Variants in FMN2 observed in about 807,000 individuals in gnomAD.
FMN2 encodes formin 2.
In FMN2, 51 loss-of-function variants were observed where a neutral mutation model predicts 142.3. The ratio of observed to expected loss-of-function variants is 0.36; its 90% CI spans 0.29 to 0.45. The LOEUF is 0.45. Ranked by LOEUF, FMN2 falls within the 20% of genes least tolerant of loss-of-function variation. The pLI is 1.00. For synonymous variants in FMN2, 882 were observed against 869.8 expected, an observed-to-expected ratio of 1.01 and a Z score of -0.25; for missense variants, 1,936 against 2,122.8, an observed-to-expected ratio of 0.91 and a Z score of 1.73.
At position 240,182,919 on chromosome 1, in the gene FMN2, CTT is replaced by C. The variant is rs66527453; in HGVS notation, c.1930+4865_1930+4866del. On this transcript the variant is annotated intron_variant, in intron 3 of 17. Coordinates refer to ENST00000319653, the MANE Select transcript of FMN2 (RefSeq NM_020066.5). The stretch of plus-strand genomic sequence containing the variant: ...CAATACAACTCATTTCTTTTCTTTT[CTT>C]TTTTTTTTTTTTTGAGACAGGGTTT... Among the ~76,000 whole-genome samples the C allele has an allele frequency of 2.2e-3, 303 of 138,266 alleles. 2 individuals carry two copies. Among genetic ancestry groups the C allele is most frequent in the Middle Eastern group, 3.8e-3 (1 of 266 alleles). 90.7% of individuals were successfully genotyped at this position (138,266 alleles called of 152,430 possible). A position where few individuals can be genotyped will look rare whatever the true frequency, so the allele number is the denominator to read the frequency against.
intron 15 of FMN2, 68 bp from the exon 16 acceptor site, chr1:240,437,993 G>C: frequency 6.5e-7 from 1 of 1,541,928 alleles, no homozygotes. Flanking sequence ...CATTTGGATA[G>C]AGAAAGAATA....
intron 4 of FMN2, among the ~76,000 whole-genome samples, chr1:240,196,356 G>A (rs1047762052): frequency 6.6e-6 from 1 of 152,124 alleles, no homozygotes. Context: ...TGATGGGTTT[G>A]GTAACCATGT....
At chr1:240,109,868 T>C (rs937829063) in intron 1 of FMN2, among the ~76,000 whole-genome samples, 8 of 152,076 alleles carry the variant, frequency 5.3e-5, no homozygotes, top group African/African-American at 1.4e-4. Flanking sequence ...TTATTACTAT[T>C]ATTATTATTA....
intron 15 of FMN2, among the ~76,000 whole-genome samples, chr1:240,435,624 GAAC>G (rs1167522983): frequency 6.6e-6 from 1 of 152,138 alleles, no homozygotes; most frequent in African/African-American, 2.4e-5. Context: ...TTGGACTTCA[GAAC>G]AACTGTTGAT....
chr1:240,147,627 G>C (rs1379253554), intron 2 of FMN2, among the ~76,000 whole-genome samples: 1 of 152,134 alleles, frequency 6.6e-6, no homozygotes, highest in Non-Finnish European at 1.5e-5. Flanking sequence ...CAAAGTGCTA[G>C]GAATACAGGT....
intron 2 of FMN2, among the ~76,000 whole-genome samples, chr1:240,137,752 C>G (rs1456933238): frequency 1.3e-5 from 2 of 151,964 alleles, no homozygotes; most frequent in East Asian, 1.9e-4. Context: ...ATGCCCGGAG[C>G]CTGGAGCCCA....
intron 16 of FMN2, among the ~76,000 whole-genome samples, chr1:240,453,424 A>C (rs1340468462): frequency 6.6e-6 from 1 of 152,184 alleles, no homozygotes; most frequent in Non-Finnish European, 1.5e-5. Context: ...CATATCAATC[A>C]CTAAAGTACA....
rs565926932 is a variant in FMN2, at chr1:240,355,328, T to C, written c.4766-488T>C. Among the ~76,000 whole-genome samples, 281 of 152,326 alleles carry C rather than the reference T, an allele frequency of 1.8e-3. 15 individuals carry two copies. The highest frequency in any genetic ancestry group is 1.4e-3 in the Admixed American group (21 of 15,290). On this transcript the variant is annotated intron_variant, in intron 13 of 17. Transcript: ENST00000319653. ...TTACCACCCATGTTATTATTTATTA[T>C]TTTTCAGAAATCTGGTCTTTAGGAA... is the stretch of plus-strand genomic sequence containing the variant.
chr1:240,347,333 G>A (rs1177581772), intron 13 of FMN2, among the ~76,000 whole-genome samples: 1 of 152,106 alleles, frequency 6.6e-6, no homozygotes, highest in Non-Finnish European at 1.5e-5. Context: ...ACTGACATCT[G>A]AAACCTAGTG....
intron 6 of FMN2, among the ~76,000 whole-genome samples, chr1:240,238,505 C>T (rs1294652565): frequency 2.0e-5 from 3 of 152,126 alleles, no homozygotes; most frequent in Admixed American, 6.5e-5. Flanking sequence ...AGATATTTAA[C>T]TAGTTTATAG....
chr1:240,312,329 C>T (rs1670627530), intron 8 of FMN2, among the ~76,000 whole-genome samples: 1 of 152,146 alleles, frequency 6.6e-6, no homozygotes, highest in Non-Finnish European at 1.5e-5. Flanking sequence ...TCTCCTGAAT[C>T]TTCAGTTGTC....
At chr1:240,271,605 G>A (rs1669019937) in intron 7 of FMN2, among the ~76,000 whole-genome samples, 1 of 151,800 alleles carries the variant, frequency 6.6e-6, no homozygotes, top group Non-Finnish European at 1.5e-5. Context: ...TTTAGTGAAT[G>A]GTTTTCATTG....
chr1:240,326,084 G>A (rs772453080), intron 8 of FMN2, among the ~76,000 whole-genome samples: 10 of 152,128 alleles, frequency 6.6e-5, no homozygotes, highest in South Asian at 2.1e-4. Flanking sequence ...TCCATAAATA[G>A]CAAGAATTGA....
chr1:240,215,909 A>G (rs1178730924), intron 6 of FMN2, among the ~76,000 whole-genome samples: 1 of 152,046 alleles, frequency 6.6e-6, no homozygotes, highest in Non-Finnish European at 1.5e-5. Context: ...TGGTTTCGCC[A>G]TGTTGATCAG....
chr1:240,219,037 G>A (rs1667009895), intron 6 of FMN2, among the ~76,000 whole-genome samples: 1 of 152,090 alleles, frequency 6.6e-6, no homozygotes, highest in Non-Finnish European at 1.5e-5. Context: ...ATGTAGAGAG[G>A]ATTAAGGGAT....
chr1:240,463,200 T>TG (rs200087743), intron 16 of FMN2, among the ~76,000 whole-genome samples: 36 of 99,490 alleles, frequency 3.6e-4, no homozygotes, highest in South Asian at 9.0e-4. Flanking sequence ...CTGCAGGGTA[T>TG]GGCACTGGTT....
chr1:240,426,273 A>G (rs1674933490), intron 15 of FMN2, among the ~76,000 whole-genome samples: 1 of 150,654 alleles, frequency 6.6e-6, no homozygotes, highest in Non-Finnish European at 1.5e-5. Flanking sequence ...AAGAATATAA[A>G]ATAGTTCTCG....
rs914160673 is a variant in FMN2 at position 240,092,142 on chromosome 1, C to G, written c.33C>G (p.Ser11Arg). 3.2e-5 allele frequency: 50 copies of G among 1,563,784 alleles called. No homozygotes were observed. Among genetic ancestry groups the G allele is most frequent in the Non-Finnish European group, 4.2e-5 (49 of 1,154,592 alleles). The change falls in exon 1 of 18, where the codon AGC becomes AGG. Residue 11 changes from serine (S) to arginine (R), a missense_variant. Transcript: ENST00000319653. MGNQDGKLKRSAGDALHEGGG... is the reference protein window; with the variant it reads MGNQDGKLKRRAGDALHEGGG... ...ACCAGGATGGGAAGCTGAAGAGGAG[C>G]GCAGGTGATGCTTTGCACGAAGGCG... is the stretch of plus-strand genomic sequence containing the variant.
chr1:240,145,864 C>A (rs906314138), intron 2 of FMN2, among the ~76,000 whole-genome samples: 3 of 151,834 alleles, frequency 2.0e-5, no homozygotes, highest in Non-Finnish European at 4.4e-5. Flanking sequence ...GGCCAAGGGT[C>A]GAGGCAGAAA....
Sources: allele counts gnomAD v4.1 joint callset (sites outside exome capture counted in the v4.1 genomes callset), GRCh38; gene constraint gnomAD v4.1.1; transcripts MANE v1.5; gene names NCBI Gene and HGNC (gene_info 2026-07-23, HGNC 2026-07-21).